The following CACYBP variants were observed in gnomAD, a reference collection of about 807,000 sequenced individuals.
CACYBP encodes calcyclin-binding protein.
In CACYBP, 11 loss-of-function variants were observed where a neutral mutation model predicts 29.6. The ratio of observed to expected loss-of-function variants is 0.37; its 90% CI spans 0.23 to 0.61. The LOEUF (loss-of-function observed/expected upper bound fraction) is 0.61. CACYBP is among the 20% of genes least tolerant of loss of function. The probability of loss-of-function intolerance (pLI) is 0.65; values close to 1 mark genes in which losing one functional copy is unlikely to be tolerated. For missense variants in CACYBP, 163 were observed against 260.7 expected (o/e 0.63, Z 2.58); for synonymous variants, 73 against 88.3 (o/e 0.83, Z 0.97).
chr1:175,008,816 A>G, intron 5 of CACYBP, 110 bp downstream of exon 5: 1 of 677,484 alleles, frequency 1.5e-6, no homozygotes, highest in Non-Finnish European at 2.7e-6. Flanking sequence ...CTGTCAAACT[A>G]CCTGAAGAGG....
At chr1:174,999,639 A>C (rs578030329), upstream of CACYBP, 1 of 226,526 alleles carries the variant, frequency 4.4e-6, no homozygotes, top group African/African-American at 2.4e-5. Flanking sequence ...CCTAGAGCGG[A>C]CGAAAGCAGG....
chr1:175,001,348 AT>A (rs1672484356), intron 1 of CACYBP, among the ~76,000 whole-genome samples: 1 of 152,244 alleles, frequency 6.6e-6, no homozygotes, highest in African/African-American at 2.4e-5. Context: ...GTTTTTAACC[AT>A]TTTAAAGTGT....
intron 5 of CACYBP, chr1:175,008,956 T>C: frequency 2.6e-6 from 1 of 387,790 alleles, no homozygotes; most frequent in Non-Finnish European, 4.7e-6. Context: ...TCTGTTTCGG[T>C]AGTTTGAGAG....
At chr1:175,001,388 A>G (rs60411387) in intron 1 of CACYBP, among the ~76,000 whole-genome samples, 20,893 of 152,218 alleles carry the variant, frequency 0.14, 4,733 homozygotes, top group African/African-American at 0.47. Context: ...TTTTGTTTAA[A>G]TATATTCACA....
intron 1 of CACYBP, among the ~76,000 whole-genome samples, chr1:175,003,932 T>A (rs1394573904): frequency 6.6e-6 from 1 of 152,242 alleles, no homozygotes; most frequent in Non-Finnish European, 1.5e-5. Flanking sequence ...AAAGATAATT[T>A]CCAAGAGTAT....
intron 1 of CACYBP, among the ~76,000 whole-genome samples, chr1:175,002,340 G>A (rs1326369579): frequency 2.0e-5 from 3 of 151,984 alleles, no homozygotes; most frequent in African/African-American, 7.3e-5. Flanking sequence ...GGTGTGAAGT[G>A]GCATCTTGGG....
At position 175,010,239 on chromosome 1, in the gene CACYBP, T is replaced by C; in HGVS notation, c.*160T>C. On this transcript the variant is annotated 3_prime_UTR_variant, in exon 6 of 6. Transcript: ENST00000367679. ...TCTCCATTTCCTACTGGAGGATTTA[T>C]TTAAATAAAATATGCTTATTAAACA... The C allele has an allele frequency of 1.7e-6, 1 of 581,478 alleles. No individual in the cohort carries two copies. The highest frequency in any genetic ancestry group is 3.0e-6 in the Non-Finnish European group (1 of 332,890). 36.0% of individuals were successfully genotyped at this position (581,478 alleles called of 1,614,324 possible). A position where few individuals can be genotyped will look rare whatever the true frequency, so the allele number is the denominator to read the frequency against.
At chr1:175,000,406 C>T (rs1476692445) in intron 1 of CACYBP, 5 of 1,404,586 alleles carry the variant, frequency 3.6e-6, no homozygotes, top group Non-Finnish European at 4.6e-6. Context: ...CCCCACTCGC[C>T]TGCTGGGCTC....
chr1:175,007,692 G>A (rs1375361021), intron 4 of CACYBP, among the ~76,000 whole-genome samples: 3 of 152,156 alleles, frequency 2.0e-5, no homozygotes, highest in Non-Finnish European at 4.4e-5. Flanking sequence ...ATACACTGAA[G>A]TGCAATACCA....
chr1:174,999,794 G>A, upstream of CACYBP: 1 of 365,890 alleles, frequency 2.7e-6, no homozygotes, highest in Non-Finnish European at 5.1e-6. Context: ...TCAGGGCGGA[G>A]AGCAAGACAT....
rs774462337 is a variant in CACYBP at position 175,010,128 on chromosome 1, G to A, written c.*49G>A. 4.7e-6 allele frequency: 7 copies of A among 1,485,720 alleles called. No individual in the cohort carries two copies. Among genetic ancestry groups the A allele is most frequent in the Non-Finnish European group, 6.5e-6 (7 of 1,075,384 alleles). 92.0% of individuals were successfully genotyped at this position (1,485,720 alleles called of 1,614,324 possible). ...TGTGATGTGATGTGGAAATACTGAT[G>A]TTTCCAGTAAGGGAATATTGGTGAG... On this transcript the variant is annotated 3_prime_UTR_variant, in exon 6 of 6. Coordinates refer to ENST00000367679, the MANE Select transcript of CACYBP (RefSeq NM_014412.3).
chr1:175,001,628 A>G (rs1175450645), intron 1 of CACYBP, among the ~76,000 whole-genome samples: 1 of 152,220 alleles, frequency 6.6e-6, no homozygotes, highest in Non-Finnish European at 1.5e-5. Flanking sequence ...TAACATTTTC[A>G]AGTTCATCCA....
chr1:175,007,276 G>C, intron 4 of CACYBP, 79 bp downstream of exon 4: 1 of 845,298 alleles, frequency 1.2e-6, no homozygotes, highest in Admixed American at 2.0e-5. Flanking sequence ...GAGATGAACT[G>C]GAATGAATTT....
chr1:175,000,188 C>T lies in CACYBP; in HGVS notation c.8C>T (p.Ser3Leu), dbSNP rs759397359. Residue 3 changes from serine (S) to leucine (L), a missense_variant, in exon 1 of 6, where the codon TCA becomes TTA. Physicochemically the swap from Ser to Leu is moderately radical, Grantham distance 145 (BLOSUM62 -2). Coordinates refer to ENST00000367679, the MANE Select transcript of CACYBP (RefSeq NM_014412.3). ...CGGCCTGACCCAGCCCCCATGGCTT[C>T]AGAAGAGGTAAGTGGTCCGGCCCCA... MA[S>L]EELQKDLEEV... The T allele has an allele frequency of 2.9e-5, 46 of 1,608,482 alleles. No individual in the cohort carries two copies. Among genetic ancestry groups the T allele is most frequent in the Non-Finnish European group, 3.9e-5 (46 of 1,177,532 alleles).
intron 1 of CACYBP, 121 bp from the exon 2 acceptor site, chr1:175,004,493 A>G (rs1672566201): frequency 1.6e-6 from 1 of 612,116 alleles, no homozygotes; most frequent in Non-Finnish European, 2.8e-6. Context: ...TCAATCCTAG[A>G]AAATTTAGAT....
chr1:175,010,143 A>G lies in CACYBP; in HGVS notation c.*64A>G, dbSNP rs996651959. 12 of 1,381,820 alleles carry G rather than the reference A, an allele frequency of 8.7e-6. No individual in the cohort carries two copies. The highest frequency in any genetic ancestry group is 2.3e-5 in the East Asian group (1 of 43,408). 85.6% of individuals were successfully genotyped at this position (1,381,820 alleles called of 1,614,324 possible). On this transcript the variant is annotated 3_prime_UTR_variant, in exon 6 of 6. Transcript: ENST00000367679. The stretch of plus-strand genomic sequence containing the variant: ...AAATACTGATGTTTCCAGTAAGGGA[A>G]TATTGGTGAGCTGCATATATAAATT...
chr1:175,000,307 G>T (rs904124376), intron 1 of CACYBP, 112 bp downstream of exon 1: 2 of 1,502,756 alleles, frequency 1.3e-6, no homozygotes, highest in African/African-American at 2.9e-5. Context: ...ACCCGGTCCC[G>T]CGCCAGTCAG....
intron 1 of CACYBP, chr1:175,000,681 G>T: frequency 3.4e-6 from 3 of 886,544 alleles, no homozygotes; most frequent in Non-Finnish European, 4.1e-6. Flanking sequence ...TGGGCAAGTT[G>T]TTTAGCTTCT....
At chr1:175,006,879 C>A in intron 3 of CACYBP, 38 bp downstream of exon 3, 4 of 1,120,754 alleles carry the variant, frequency 3.6e-6, no homozygotes, top group Non-Finnish European at 5.5e-6. Context: ...AGTGAATTAA[C>A]AGTCAACATT....
Sources: allele counts gnomAD v4.1 joint callset (sites outside exome capture counted in the v4.1 genomes callset), GRCh38; gene constraint gnomAD v4.1.1; transcripts MANE v1.5; gene names NCBI Gene and HGNC (gene_info 2026-07-23, HGNC 2026-07-21).